Variants in AVEN observed in about 807,000 individuals in gnomAD.
AVEN encodes cell death regulator Aven.
A neutral mutation model predicts 38.1 loss-of-function variants in AVEN; 41 were observed. The ratio of observed to expected loss-of-function variants is 1.08; its 90% confidence interval spans 0.84 to 1.40. The LOEUF (loss-of-function observed/expected upper bound fraction) is 1.40, where lower values mean the gene tolerates loss of function less well. AVEN is among the 40% of genes most tolerant of loss of function. The probability of loss-of-function intolerance (pLI) is 0.00; values close to 1 mark genes in which losing one functional copy is unlikely to be tolerated. For missense variants in AVEN, 605 were observed against 438.8 expected, an observed-to-expected ratio of 1.38 and a Z score of -3.38; for synonymous variants, 206 against 171.8, an observed-to-expected ratio of 1.20 and a Z score of -1.56.
intron 2 of AVEN, among the ~76,000 whole-genome samples, chr15:33,944,666 G>A (rs771983736): frequency 1.3e-5 from 2 of 151,952 alleles, no homozygotes; most frequent in South Asian, 2.1e-4. Flanking sequence ...AAAATTAGCC[G>A]GGCGTGGTGG....
intron 2 of AVEN, among the ~76,000 whole-genome samples, chr15:33,926,175 G>A (rs1300326903): frequency 6.6e-6 from 1 of 152,156 alleles, no homozygotes; most frequent in Non-Finnish European, 1.5e-5. Context: ...GTGCAATTAA[G>A]CAGCTATTCA....
In AVEN at chr15:33,893,017, CTCTG is replaced by C. The variant is rs566885174; in HGVS notation, c.446-17026_446-17023del. On this transcript the variant is annotated intron_variant, in intron 2 of 5. Coordinates refer to ENST00000306730, the MANE Select transcript of AVEN (RefSeq NM_020371.3). ...ATGGGAGTTCACTCATGATTTGGCT[CTCTG>C]TCTGTTATTGGTATATAGGAATGCC... Among the ~76,000 whole-genome samples, 545 of 152,164 alleles carry C rather than the reference CTCTG, an allele frequency of 3.6e-3. 4 individuals are homozygous for C. The highest frequency in any genetic ancestry group is 0.013 in the African/African-American group (521 of 41,556).
intron 2 of AVEN, among the ~76,000 whole-genome samples, chr15:33,993,210 AG>A (rs1896801083): frequency 6.6e-6 from 1 of 152,192 alleles, no homozygotes; most frequent in Non-Finnish European, 1.5e-5. Context: ...TTACGTTTGA[AG>A]GTAAGAGTGG....
chr15:33,859,218 C>T (rs1371375536), intron 11 of AVEN: 1 of 200,756 alleles, frequency 5.0e-6, no homozygotes, highest in East Asian at 1.2e-4. Flanking sequence ...CAGTTTATAG[C>T]ACAGCCTGAA....
intron 2 of AVEN, among the ~76,000 whole-genome samples, chr15:33,966,015 C>A (rs1895366942): frequency 6.6e-6 from 1 of 152,174 alleles, no homozygotes; most frequent in African/African-American, 2.4e-5. Flanking sequence ...TAATTTGGAA[C>A]TGTACAGGCC....
upstream of AVEN, among the ~76,000 whole-genome samples, chr15:34,041,009 T>C (rs1413945669): frequency 1.3e-5 from 2 of 152,134 alleles, no homozygotes; most frequent in Non-Finnish European, 2.9e-5. Flanking sequence ...AGCATATCAC[T>C]GGTCTGGCCT....
At chr15:33,983,213 T>C (rs868005186) in intron 2 of AVEN, among the ~76,000 whole-genome samples, 456 of 36,464 alleles carry the variant, frequency 0.013, 3 homozygotes, top group African/African-American at 0.05. Context: ...TATATATATA[T>C]ACATATATAT....
downstream of AVEN, among the ~76,000 whole-genome samples, chr15:33,862,081 A>AGAGTGTATAGATTTTATT (rs1468092407): frequency 6.6e-6 from 1 of 152,112 alleles, no homozygotes; most frequent in African/African-American, 2.4e-5. Context: ...CAGAATGTAT[A>AGAGTGTATAGATTTTATT]GAGTGTATAG....
intron 2 of AVEN, among the ~76,000 whole-genome samples, chr15:33,910,480 C>T (rs1038527367): frequency 6.6e-6 from 1 of 152,188 alleles, no homozygotes. Flanking sequence ...GAAATTGGGA[C>T]GTGAAGATAG....
chr15:33,893,447 A>G (rs1174832753), intron 2 of AVEN, among the ~76,000 whole-genome samples: 3 of 152,052 alleles, frequency 2.0e-5, no homozygotes, highest in Non-Finnish European at 4.4e-5. Context: ...GGTGGCTCAC[A>G]CCTGTAATCC....
chr15:34,072,167 G>A (rs1197512536), intron 1 of AVEN, among the ~76,000 whole-genome samples: 1 of 152,018 alleles, frequency 6.6e-6, no homozygotes, highest in African/African-American at 2.4e-5. Context: ...TGCTCAAGAG[G>A]CTGAGGCGGG....
intron 2 of AVEN, among the ~76,000 whole-genome samples, chr15:34,002,546 G>T (rs937471597): frequency 1.4e-4 from 22 of 151,928 alleles, no homozygotes; most frequent in African/African-American, 5.3e-4. Context: ...TGACAGAGAA[G>T]ACTATCCAAA....
chr15:33,857,021 A>C (rs1353026603), downstream of AVEN, among the ~76,000 whole-genome samples: 2 of 152,176 alleles, frequency 1.3e-5, no homozygotes, highest in Non-Finnish European at 2.9e-5. Flanking sequence ...GGTAACAGCT[A>C]GCTCTGTATG....
rs374076340 is a variant in AVEN at position 33,881,909 on chromosome 15, C to T, written c.446-5914G>A. On this transcript the variant is annotated intron_variant, in intron 2 of 5. Transcript: ENST00000306730. ...GAAGAAAACCAGAAAAGAACAGTGA[C>T]AGCCAACTGTAGTTGACAAGGGAAC... Among the ~76,000 whole-genome samples the T allele has an allele frequency of 1.3e-4, 20 of 152,286 alleles. No individual in the cohort carries two copies. In the East Asian group the frequency reaches 1.9e-3, roughly 15 times the overall value.
chr15:33,868,512 T>C (rs1333610155), intron 4 of AVEN, among the ~76,000 whole-genome samples: 1 of 130,296 alleles, frequency 7.7e-6, no homozygotes, highest in Non-Finnish European at 1.5e-5. Flanking sequence ...ACCACTGCAC[T>C]CGAGCCTGGG....
In AVEN at chr15:33,867,734, TTCAGCTCAAAGA is replaced by T. The variant is rs1890709293; in HGVS notation, c.722_733del (p.Ile241_Leu244del). ...CACAGGGCAGCCAGCAGCCACAGAT[TTCAGCTCAAAGA>T]TGGGCCCCCTTCCTCCAGGCCCCAA... On this transcript the variant is annotated inframe_deletion, in exon 5 of 6. Coordinates refer to ENST00000306730, the MANE Select transcript of AVEN (RefSeq NM_020371.3). 1 of 1,614,140 alleles carries T rather than the reference TTCAGCTCAAAGA, an allele frequency of 6.2e-7. No homozygotes were observed. The highest frequency in any genetic ancestry group is 2.2e-5 in the East Asian group (1 of 44,866).
At chr15:33,872,379 T>C (rs1214412212) in intron 3 of AVEN, among the ~76,000 whole-genome samples, 1 of 152,184 alleles carries the variant, frequency 6.6e-6, no homozygotes, top group East Asian at 1.9e-4. Context: ...CTAAAAAACA[T>C]ACCCTTCAAT....
chr15:33,886,325 T>C (rs1020100449), intron 2 of AVEN, among the ~76,000 whole-genome samples: 2 of 152,114 alleles, frequency 1.3e-5, no homozygotes, highest in African/African-American at 4.8e-5. Context: ...TGTTTTGAGA[T>C]GGAGTCTCGC....
At chr15:33,909,449 C>T (rs1347719903) in intron 2 of AVEN, among the ~76,000 whole-genome samples, 1 of 152,108 alleles carries the variant, frequency 6.6e-6, no homozygotes, top group African/African-American at 2.4e-5. Flanking sequence ...ATACTCATAA[C>T]CAGCTCAAGA....
Sources: gnomAD v4.1 joint callset for allele counts (sites outside exome capture counted in the v4.1 genomes callset) on GRCh38, gnomAD v4.1.1 for gene constraint, MANE v1.5 for transcripts, NCBI Gene and HGNC (gene_info 2026-07-23, HGNC 2026-07-21) for gene names.